The following LHX9 variants were observed in gnomAD, a reference collection of about 807,000 sequenced individuals.
LHX9 encodes the protein LIM homeobox 9.
A neutral mutation model predicts 36.5 loss-of-function variants in LHX9; 9 were observed. The observed-to-expected ratio is 0.25, with a 90% CI of 0.15 to 0.43. The LOEUF is 0.43. LHX9 is among the 20% of genes least tolerant of loss of function. LHX9 has a pLI of 1.00. For missense variants in LHX9, 464 were observed against 526.4 expected (o/e 0.88, Z 1.16); for synonymous variants, 211 against 212.1 (o/e 0.99, Z 0.04).
rs778042417 is a variant in LHX9, at chr1:197,930,375, C to A, written c.*1116C>A. Reference sequence around the variant, plus strand: ...GATAAACTCAGAAGCCTTGTGGATGCTGATCTGAATATATTTCCTAGTTTA... The same window carrying A: ...GATAAACTCAGAAGCCTTGTGGATGATGATCTGAATATATTTCCTAGTTTA... On this transcript the variant is annotated 3_prime_UTR_variant, in exon 5 of 5. Coordinates refer to ENST00000367387, the MANE Select transcript of LHX9 (RefSeq NM_020204.3). The A allele has an allele frequency of 2.0e-5, 3 of 152,050 alleles. No homozygotes were observed. The highest frequency in any genetic ancestry group is 7.2e-5 in the African/African-American group (3 of 41,410). The allele number at this position is 152,050 out of a possible 1,614,324, so 9.4% of individuals were successfully genotyped here.
chr1:197,912,537 G>A (rs1207331178), upstream of LHX9: 2 of 1,614,076 alleles, frequency 1.2e-6, no homozygotes. Flanking sequence ...TAAGAATGCT[G>A]AACGGTACCA....
In LHX9 at chr1:197,934,630, T is replaced by C. The variant is rs1025799725; in HGVS notation, c.*5371T>C. ...TTGACGAAATATCATTGAATTTTCTTTGAAAGCATATATATAGATAAACTC... is the reference window on the plus strand; with the variant it reads ...TTGACGAAATATCATTGAATTTTCTCTGAAAGCATATATATAGATAAACTC... On this transcript the variant is annotated 3_prime_UTR_variant, in exon 5 of 5. Transcript: ENST00000367387. 1 of 152,186 alleles carries C rather than the reference T, an allele frequency of 6.6e-6. No homozygotes were observed. The highest frequency in any genetic ancestry group is 1.5e-5 in the Non-Finnish European group (1 of 68,032). 9.4% of individuals were successfully genotyped at this position (152,186 alleles called of 1,614,324 possible). A position where few individuals can be genotyped will look rare whatever the true frequency, so the allele number is the denominator to read the frequency against.
At chr1:197,912,620 TGTGA>T, upstream of LHX9, 2 of 1,495,498 alleles carry the variant, frequency 1.3e-6, no homozygotes, top group Non-Finnish European at 1.9e-6. Flanking sequence ...GCGTATACCA[TGTGA>T]GTGTGTGTGC....
At chr1:197,916,511 G>A (rs1302576254), upstream of LHX9, 1 of 600,858 alleles carries the variant, frequency 1.7e-6, no homozygotes, top group Non-Finnish European at 3.0e-6. Context: ...AGCTTCAAAT[G>A]AGACATTAGA....
At chr1:197,916,373 G>A, upstream of LHX9, 1 of 377,056 alleles carries the variant, frequency 2.7e-6, no homozygotes, top group Non-Finnish European at 4.8e-6. Context: ...GTGTGCGGGT[G>A]CGCCCAGTTT....
intron 1 of LHX9, among the ~76,000 whole-genome samples, chr1:197,919,145 ATAG>A (rs1248690347): frequency 6.6e-6 from 1 of 152,244 alleles, no homozygotes. Context: ...TTAAAAACAA[ATAG>A]TAGCAACCCA....
chr1:197,929,121 T>G lies in LHX9; in HGVS notation c.1056T>G (p.Ala352=). The change falls in exon 5 of 5, where the codon GCT becomes GCG. Residue 352 remains alanine (A), a synonymous_variant. Coordinates refer to ENST00000367387, the MANE Select transcript of LHX9 (RefSeq NM_020204.3). ...CCCCGCCCTCAGCAGACAGCGGAGCTCTCACTCCACCCGGCACTGCGACCA... is the reference window on the plus strand; with the variant it reads ...CCCCGCCCTCAGCAGACAGCGGAGCGCTCACTCCACCCGGCACTGCGACCA... The part of the protein sequence containing the change: ...LPAPPSADSG[A]LTPPGTATTL... 6.2e-7 allele frequency: 1 copy of G among 1,613,588 alleles called. No homozygotes were observed. Among genetic ancestry groups the G allele is most frequent in the Non-Finnish European group, 8.5e-7 (1 of 1,179,880 alleles).
chr1:197,914,666 G>C (rs77281621), upstream of LHX9, among the ~76,000 whole-genome samples: 3,344 of 152,116 alleles, frequency 0.022, 119 homozygotes, highest in African/African-American at 0.072. Flanking sequence ...GGCAGGGCTG[G>C]ACCCATGGGG....
Position 197,929,144 on chromosome 1 carries a change from C to G in LHX9, c.1079C>G (p.Thr360Ser), listed in dbSNP as rs1231790449. ...GCTCTCACTCCACCCGGCACTGCGACCACTTTAACAGACCTGACCAATCCC... is the reference window on the plus strand; with the variant it reads ...GCTCTCACTCCACCCGGCACTGCGAGCACTTTAACAGACCTGACCAATCCC... The part of the protein sequence containing the change: ...SGALTPPGTA[T>S]TLTDLTNPTI... Residue 360 changes from threonine (T) to serine (S), a missense_variant, in exon 5 of 5, where the codon ACC becomes AGC. Transcript: ENST00000367387. 1 of 1,613,570 alleles carries G rather than the reference C, an allele frequency of 6.2e-7. No homozygotes were observed. Among genetic ancestry groups the G allele is most frequent in the South Asian group, 1.1e-5 (1 of 91,034 alleles).
In LHX9 at chr1:197,932,203, A is replaced by T. The variant is rs1180195904; in HGVS notation, c.*2944A>T. On this transcript the variant is annotated 3_prime_UTR_variant, in exon 5 of 5. Coordinates refer to ENST00000367387, the MANE Select transcript of LHX9 (RefSeq NM_020204.3). The stretch of plus-strand genomic sequence containing the variant: ...TGGTTTAAACAAAATTAGATAAACC[A>T]TGTACAAAACCAGAGCAACCTGGCA... 3 of 405,272 alleles carry T rather than the reference A, an allele frequency of 7.4e-6. No homozygotes were observed. Among genetic ancestry groups the T allele is most frequent in the African/African-American group, 4.0e-5 (2 of 49,392 alleles). 25.1% of individuals were successfully genotyped at this position (405,272 alleles called of 1,614,324 possible). A position where few individuals can be genotyped will look rare whatever the true frequency, so the allele number is the denominator to read the frequency against.
upstream of LHX9, among the ~76,000 whole-genome samples, chr1:197,917,016 C>T (rs1659778653): frequency 6.6e-6 from 1 of 152,128 alleles, no homozygotes; most frequent in African/African-American, 2.4e-5. Flanking sequence ...GGTTCTAGGC[C>T]TTCTGCAACA....
chr1:197,912,580 C>A, upstream of LHX9: 9 of 1,613,628 alleles, frequency 5.6e-6, no homozygotes, highest in Non-Finnish European at 7.6e-6. Context: ...TGCCAGGTTC[C>A]TTCTGATGTT....
intron 1 of LHX9, chr1:197,918,708 G>C (rs10494762): frequency 0.25 from 59,864 of 243,340 alleles, 7,432 homozygotes; most frequent in Middle Eastern, 0.35. Flanking sequence ...AACCACCACT[G>C]TTTCTACTAT....
Position 197,931,385 on chromosome 1 carries a change from T to C in LHX9, c.*2126T>C, listed in dbSNP as rs953570673. The stretch of plus-strand genomic sequence containing the variant: ...TCTTTGTTTATTGATAAATGCATTG[T>C]ATAGAAACTATTTCCCCTAAATATT... On this transcript the variant is annotated 3_prime_UTR_variant, in exon 5 of 5. Coordinates refer to ENST00000367387, the MANE Select transcript of LHX9 (RefSeq NM_020204.3). 1 of 152,164 alleles carries C rather than the reference T, an allele frequency of 6.6e-6. No individual in the cohort carries two copies. Among genetic ancestry groups the C allele is most frequent in the Non-Finnish European group, 1.5e-5 (1 of 67,956 alleles). 9.4% of individuals were successfully genotyped at this position (152,164 alleles called of 1,614,324 possible).
chr1:197,932,086 G>A lies in LHX9; in HGVS notation c.*2827G>A, dbSNP rs1571410403. 1.4e-4 allele frequency: 66 copies of A among 476,198 alleles called. No homozygotes were observed. Among genetic ancestry groups the A allele is most frequent in the South Asian group, 2.1e-4 (6 of 28,650 alleles). The allele number at this position is 476,198 out of a possible 1,614,324, so 29.5% of individuals were successfully genotyped here. ...AAAAATTTATTAAGCCAAAAAAAAA[G>A]AGAGAGAGAGAGACTTAAATGTCAT... is the stretch of plus-strand genomic sequence containing the variant. On this transcript the variant is annotated 3_prime_UTR_variant, in exon 5 of 5. Coordinates refer to ENST00000367387, the MANE Select transcript of LHX9 (RefSeq NM_020204.3).
rs1660347655 is a variant in LHX9 at position 197,932,178 on chromosome 1, T to A, written c.*2919T>A. 2.3e-6 allele frequency: 1 copy of A among 429,738 alleles called. No individual in the cohort carries two copies. The highest frequency in any genetic ancestry group is 4.2e-6 in the Non-Finnish European group (1 of 239,920). 26.6% of individuals were successfully genotyped at this position (429,738 alleles called of 1,614,324 possible). A position where few individuals can be genotyped will look rare whatever the true frequency, so the allele number is the denominator to read the frequency against. On this transcript the variant is annotated 3_prime_UTR_variant, in exon 5 of 5. Transcript: ENST00000367387. Reference sequence around the variant, plus strand: ...ACACAACTGAAGGCCTAAAATTATGTGGTTTAAACAAAATTAGATAAACCA... The same window carrying A: ...ACACAACTGAAGGCCTAAAATTATGAGGTTTAAACAAAATTAGATAAACCA...
chr1:197,920,254 T>C, intron 2 of LHX9, 80 bp downstream of exon 2: 1 of 1,280,128 alleles, frequency 7.8e-7, no homozygotes. Flanking sequence ...CCCCTCTCCG[T>C]CCCCTACCTT....
chr1:197,925,785 C>T (rs985676654), intron 3 of LHX9, among the ~76,000 whole-genome samples: 4 of 152,124 alleles, frequency 2.6e-5, no homozygotes, highest in African/African-American at 7.2e-5. Flanking sequence ...GTTTTACATT[C>T]GAATGTATAT....
chr1:197,930,119 A>T lies in LHX9; in HGVS notation c.*860A>T. On this transcript the variant is annotated 3_prime_UTR_variant, in exon 5 of 5. Coordinates refer to ENST00000367387, the MANE Select transcript of LHX9 (RefSeq NM_020204.3). The stretch of plus-strand genomic sequence containing the variant: ...GGAAATAAGCAAAATATAATGTTTT[A>T]AGAAGTAAAAAAATCAATATAATTT... 1 of 901,498 alleles carries T rather than the reference A, an allele frequency of 1.1e-6. No individual in the cohort carries two copies. The highest frequency in any genetic ancestry group is 1.3e-6 in the Non-Finnish European group (1 of 753,488). 55.8% of individuals were successfully genotyped at this position (901,498 alleles called of 1,614,324 possible).
Sources: allele counts gnomAD v4.1 joint callset (sites outside exome capture counted in the v4.1 genomes callset), GRCh38; gene constraint gnomAD v4.1.1; transcripts MANE v1.5; gene names NCBI Gene and HGNC (gene_info 2026-07-23, HGNC 2026-07-21).